The following TRIM24 variants were observed in gnomAD, a reference collection of about 807,000 sequenced individuals.
TRIM24 encodes the protein transcription intermediary factor 1-alpha.
In TRIM24, 29 loss-of-function variants were observed where a neutral mutation model predicts 123.9. The ratio of observed to expected loss-of-function variants is 0.23; its 90% CI spans 0.17 to 0.32. TRIM24 has a LOEUF of 0.32. TRIM24 is among the 10% of genes least tolerant of loss of function. The pLI is 1.00. For synonymous variants in TRIM24, 456 were observed against 461.1 expected (o/e 0.99, Z 0.14); for missense variants, 932 against 1,295.3 (o/e 0.72, Z 4.31).
intron 7 of TRIM24, among the ~76,000 whole-genome samples, chr7:138,543,831 GT>G (rs371780238): frequency 6.6e-6 from 1 of 151,510 alleles, no homozygotes; most frequent in South Asian, 2.1e-4. Context: ...TTGGTTTTCT[GT>G]TTTTTTTGTT....
chr7:138,497,407 T>C (rs1795935064), intron 1 of TRIM24, among the ~76,000 whole-genome samples: 2 of 145,926 alleles, frequency 1.4e-5, no homozygotes, highest in South Asian at 4.4e-4. Flanking sequence ...TTTTTTTTTT[T>C]TTTTTTTTTT....
At chr7:138,461,011 G>C (rs1011534483) in intron 1 of TRIM24, 99 bp downstream of exon 1, 154 of 1,109,528 alleles carry the variant, frequency 1.4e-4, no homozygotes, top group Non-Finnish European at 1.8e-4. Flanking sequence ...GCCGCCGCCC[G>C]GGGTGCGCGG....
At chr7:138,483,388 T>G (rs1252704857) in intron 1 of TRIM24, among the ~76,000 whole-genome samples, 1 of 152,234 alleles carries the variant, frequency 6.6e-6, no homozygotes, top group African/African-American at 2.4e-5. Flanking sequence ...TGCCTTTTCT[T>G]TTTCTTGCTT....
intron 3 of TRIM24, among the ~76,000 whole-genome samples, chr7:138,518,375 T>C (rs1796442123): frequency 6.6e-6 from 1 of 152,220 alleles, no homozygotes. Context: ...GAGGTAAGAT[T>C]ATTTCTGAAA....
Position 138,460,691 on chromosome 7 carries a change from C to T in TRIM24, c.143C>T (p.Ala48Val), listed in dbSNP as rs745408794. Residue 48 changes from alanine (A) to valine (V), a missense_variant, in exon 1 of 19, where the codon GCC becomes GTC. By Grantham distance (64) the Ala-to-Val change is moderately conservative. Around this residue, in one of 7 missense-constraint regions of TRIM24, gnomAD observed 164 missense variants for 181.9 expected, o/e 0.90. Coordinates refer to ENST00000343526, the MANE Select transcript of TRIM24 (RefSeq NM_015905.3). ...GPDSERGGEA[A>V]RLNLLDTCAV... ...GACTCGGAGCGCGGCGGCGAGGCGG[C>T]CCGGCTCAACCTGTTGGACACTTGC... 5.9e-6 allele frequency: 9 copies of T among 1,534,444 alleles called. No individual in the cohort carries two copies. In the East Asian group the frequency reaches 8.2e-5, roughly 14 times the overall value.
At position 138,581,154 on chromosome 7, in the gene TRIM24, T is replaced by C. The variant is rs201702347; in HGVS notation, c.2718+460T>C. Among the ~76,000 whole-genome samples, 6 of 152,326 alleles carry C rather than the reference T, an allele frequency of 3.9e-5. No homozygotes were observed. In the East Asian group the frequency reaches 5.8e-4, roughly 15 times the overall value. On this transcript the variant is annotated intron_variant, in intron 16 of 18. Coordinates refer to ENST00000343526, the MANE Select transcript of TRIM24 (RefSeq NM_015905.3). ...ACATTTAAAGCTACCAAGTCAACAC[T>C]TTGTTACCAAAAAAACTCCTTTGCT...
intron 7 of TRIM24, among the ~76,000 whole-genome samples, chr7:138,541,334 A>G (rs1796998996): frequency 6.6e-6 from 1 of 152,146 alleles, no homozygotes; most frequent in Admixed American, 6.5e-5. Context: ...TTCTTGATTC[A>G]TGGGCTGCAG....
intron 1 of TRIM24, chr7:138,490,462 A>T (rs1795756238): frequency 6.3e-6 from 1 of 157,936 alleles, no homozygotes; most frequent in African/African-American, 2.4e-5. Flanking sequence ...CTTTTCTCTG[A>T]GCAGAACTTC....
chr7:138,472,639 T>C (rs1795296287), intron 1 of TRIM24, among the ~76,000 whole-genome samples: 3 of 152,280 alleles, frequency 2.0e-5, no homozygotes, highest in Non-Finnish European at 2.9e-5. Context: ...AGACCATGAA[T>C]TAACAACGAT....
At chr7:138,556,051 T>G (rs573479913) in intron 9 of TRIM24, among the ~76,000 whole-genome samples, 1 of 152,282 alleles carries the variant, frequency 6.6e-6, no homozygotes, top group Admixed American at 6.5e-5. Context: ...AGGACCATTT[T>G]GGGCTAAGAA....
At chr7:138,545,746 A>G (rs1472395319) in intron 7 of TRIM24, among the ~76,000 whole-genome samples, 1 of 152,200 alleles carries the variant, frequency 6.6e-6, no homozygotes, top group African/African-American at 2.4e-5. Flanking sequence ...ATGTTGTTAT[A>G]CCAGAAAACT....
At chr7:138,470,292 A>G (rs1795244228) in intron 1 of TRIM24, among the ~76,000 whole-genome samples, 1 of 151,918 alleles carries the variant, frequency 6.6e-6, no homozygotes, top group Non-Finnish European at 1.5e-5. Flanking sequence ...CACCACACCC[A>G]GCTAGTTTTT....
At position 138,583,958 on chromosome 7, in the gene TRIM24, G is replaced by T; in HGVS notation, c.2902G>T (p.Asp968Tyr). 6.2e-7 allele frequency: 1 copy of T among 1,609,714 alleles called. No homozygotes were observed. The highest frequency in any genetic ancestry group is 8.5e-7 in the Non-Finnish European group (1 of 1,178,898). Residue 968 changes from aspartate (D) to tyrosine (Y), a missense_variant, in exon 18 of 19, where the codon GAT (aspartate) becomes TAT (tyrosine). By Grantham distance (160) the Asp-to-Tyr change is radical (BLOSUM62 -3). Around this residue, in one of 7 missense-constraint regions of TRIM24, gnomAD observed 104 missense variants for 121.5 expected, o/e 0.86. Transcript: ENST00000343526. Reference protein sequence around the residue: ...MYSKPEDFVADFRLIFQNCAE... With the variant: ...MYSKPEDFVAYFRLIFQNCAE... ...CTCAAAACCTGAAGATTTTGTAGCT[G>T]ATTTTAGATTGATCTTTCAAAACTG...
intron 1 of TRIM24, among the ~76,000 whole-genome samples, chr7:138,469,625 A>G (rs1795227180): frequency 6.6e-6 from 1 of 152,066 alleles, no homozygotes; most frequent in Admixed American, 6.6e-5. Flanking sequence ...AGCATTTTGA[A>G]TACACACTTA....
At chr7:138,487,215 T>A (rs559822988) in intron 1 of TRIM24, among the ~76,000 whole-genome samples, 1 of 152,344 alleles carries the variant, frequency 6.6e-6, no homozygotes, top group East Asian at 1.9e-4. Flanking sequence ...CTGAAGTTGC[T>A]TATCAGCTTA....
At chr7:138,552,803 A>G (rs113393705) in intron 8 of TRIM24, among the ~76,000 whole-genome samples, 6,878 of 152,274 alleles carry the variant, frequency 0.045, 206 homozygotes, top group Middle Eastern at 0.092. Flanking sequence ...ATAGCAGGAA[A>G]CTGGAATTAT....
chr7:138,510,290 A>C (rs545311955), intron 2 of TRIM24, among the ~76,000 whole-genome samples: 2 of 152,202 alleles, frequency 1.3e-5, no homozygotes, highest in Non-Finnish European at 2.9e-5. Context: ...ACTAGAGTGG[A>C]GTTGGAGCTG....
intron 1 of TRIM24, among the ~76,000 whole-genome samples, chr7:138,473,741 A>G (rs1165604423): frequency 6.6e-6 from 1 of 152,220 alleles, no homozygotes; most frequent in Admixed American, 6.5e-5. Flanking sequence ...CTTATGAAAT[A>G]TTTTAGTCAG....
intron 1 of TRIM24, among the ~76,000 whole-genome samples, chr7:138,488,510 C>T (rs1795701853): frequency 6.6e-6 from 1 of 152,230 alleles, no homozygotes; most frequent in African/African-American, 2.4e-5. Context: ...CCTCCTCACA[C>T]TGCTTTAAAT....
Sources: allele counts gnomAD v4.1 joint callset (sites outside exome capture counted in the v4.1 genomes callset), GRCh38; gene constraint gnomAD v4.1.1; regional missense constraint gnomAD v4.1.1; transcripts MANE v1.5; gene names NCBI Gene and HGNC (gene_info 2026-07-23, HGNC 2026-07-21).